The following R3HCC1L variants were observed in gnomAD, a reference collection of about 807,000 sequenced individuals.
R3HCC1L encodes the protein R3H domain and coiled-coil containing 1 like.
In R3HCC1L, 51 loss-of-function variants were observed where a neutral mutation model predicts 59.9. The observed-to-expected ratio is 0.85, with a 90% CI of 0.68 to 1.07. The LOEUF (loss-of-function observed/expected upper bound fraction) is 1.07, where lower values mean the gene tolerates loss of function less well. R3HCC1L is among the 50% of genes least tolerant of loss of function. The pLI is 0.00. For synonymous variants in R3HCC1L, 322 were observed against 315.2 expected (o/e 1.02, Z -0.23); for missense variants, 965 against 933.0 (o/e 1.03, Z -0.45).
intron 7 of R3HCC1L, 97 bp from the exon 8 acceptor site, chr10:98,235,328 A>G (rs1856808064): frequency 9.6e-7 from 1 of 1,037,676 alleles, no homozygotes; most frequent in African/African-American, 1.6e-5. Flanking sequence ...CTTTGAAAAA[A>G]AAGCATAACA....
chr10:98,185,539 T>G (rs1485179544), intron 4 of R3HCC1L, among the ~76,000 whole-genome samples: 1 of 151,648 alleles, frequency 6.6e-6, no homozygotes, highest in Non-Finnish European at 1.5e-5. Context: ...GGAAGTAGAG[T>G]AGGTAGAAGG....
chr10:98,184,116 C>A (rs1849974162), intron 4 of R3HCC1L, among the ~76,000 whole-genome samples: 1 of 151,702 alleles, frequency 6.6e-6, no homozygotes, highest in Non-Finnish European at 1.5e-5. Context: ...GCTAGGTTAC[C>A]TTTAATTTAC....
chr10:98,155,607 T>A (rs1035855338), intron 1 of R3HCC1L, among the ~76,000 whole-genome samples: 1 of 152,028 alleles, frequency 6.6e-6, no homozygotes, highest in Non-Finnish European at 1.5e-5. Flanking sequence ...AAACATGTTT[T>A]AAAAAGTCCA....
At position 98,169,925 on chromosome 10, in the gene R3HCC1L, G is replaced by C. The variant is rs1416951419; in HGVS notation, c.-15+6528G>C. On this transcript the variant is annotated intron_variant, in intron 4 of 9. Coordinates refer to ENST00000298999, the MANE Select transcript of R3HCC1L (RefSeq NM_001351015.2). The stretch of plus-strand genomic sequence containing the variant: ...TTTTGGAGTGAGTGCTTTTTTTTGG[G>C]AATTGTTTGAAGTTTTTTTCTTGTG... 4.1e-5 allele frequency among the ~76,000 whole-genome samples: 6 copies of C among 148,044 alleles called. No individual in the cohort carries two copies. The South Asian group carries it at 1.1e-3, about 26-fold the overall frequency.
intron 4 of R3HCC1L, among the ~76,000 whole-genome samples, chr10:98,167,603 C>T (rs1848086504): frequency 6.6e-6 from 1 of 152,224 alleles, no homozygotes; most frequent in Non-Finnish European, 1.5e-5. Flanking sequence ...TGTAGCCAGA[C>T]TAGCATTCTG....
chr10:98,223,795 C>T (rs564485850), intron 5 of R3HCC1L, among the ~76,000 whole-genome samples: 5 of 152,116 alleles, frequency 3.3e-5, no homozygotes, highest in South Asian at 4.2e-4. Context: ...CTTCAGGCAG[C>T]GTTCTGTGCA....
chr10:98,166,255 C>T (rs932584989), intron 4 of R3HCC1L, among the ~76,000 whole-genome samples: 4 of 152,242 alleles, frequency 2.6e-5, no homozygotes, highest in Middle Eastern at 3.4e-3. Context: ...GGAAATCAAC[C>T]TACTGCAACC....
intron 8 of R3HCC1L, 71 bp from the exon 9 acceptor site, chr10:98,235,953 G>A (rs1339111359): frequency 2.7e-6 from 4 of 1,486,684 alleles, no homozygotes; most frequent in Non-Finnish European, 3.7e-6. Flanking sequence ...TAATTACTGA[G>A]TTAAATCACT....
intron 1 of R3HCC1L, among the ~76,000 whole-genome samples, chr10:98,152,099 C>T (rs561270521): frequency 2.4e-4 from 37 of 152,322 alleles, no homozygotes; most frequent in South Asian, 1.2e-3. Context: ...ATTGCAGGCG[C>T]GCGCCGCCAC....
chr10:98,198,582 A>C (rs1030372349), intron 4 of R3HCC1L, among the ~76,000 whole-genome samples: 2 of 152,038 alleles, frequency 1.3e-5, no homozygotes, highest in African/African-American at 4.8e-5. Context: ...ATGCTTCTAA[A>C]TTTGTTGGAG....
intron 4 of R3HCC1L, among the ~76,000 whole-genome samples, chr10:98,182,423 G>T (rs565966816): frequency 7.9e-4 from 120 of 152,240 alleles, no homozygotes; most frequent in South Asian, 4.4e-3. Flanking sequence ...TCTCAGAGGG[G>T]CACCTGGCTA....
chr10:98,206,253 C>CG (rs11400872), intron 4 of R3HCC1L, among the ~76,000 whole-genome samples: 144,573 of 151,118 alleles, frequency 0.96, 69,454 homozygotes, highest in South Asian at 1. Context: ...ACCTTGTGAA[C>CG]AAATAAAAGC....
Position 98,209,790 on chromosome 10 carries a change from C to A in R3HCC1L, c.1676C>A (p.Pro559Gln). Residue 559 changes from proline to glutamine, a missense_variant, in exon 5 of 10, where the codon CCA becomes CAA. Coordinates refer to ENST00000298999, the MANE Select transcript of R3HCC1L (RefSeq NM_001351015.2). ...TCATCTATGGAAACATCCATCGAAC[C>A]AAAAGCAACTGAAACTTCTCACACA... is the stretch of plus-strand genomic sequence containing the variant. ...ESSSMETSIE[P>Q]KATETSHTEG... The A allele has an allele frequency of 6.2e-7, 1 of 1,613,770 alleles. No individual in the cohort carries two copies. Among genetic ancestry groups the A allele is most frequent in the South Asian group, 1.1e-5 (1 of 91,012 alleles).
At chr10:98,215,326 A>C (rs967514229) in intron 5 of R3HCC1L, among the ~76,000 whole-genome samples, 3 of 152,188 alleles carry the variant, frequency 2.0e-5, no homozygotes, top group African/African-American at 7.2e-5. Context: ...ACTAAGATAG[A>C]AAAAACTTTG....
intron 5 of R3HCC1L, among the ~76,000 whole-genome samples, chr10:98,224,225 C>G (rs944708910): frequency 2.0e-5 from 3 of 151,296 alleles, no homozygotes; most frequent in Admixed American, 6.6e-5. Context: ...TGTGTGGGTG[C>G]CAGTGGCAGC....
At chr10:98,195,374 A>G (rs534371801) in intron 4 of R3HCC1L, among the ~76,000 whole-genome samples, 2 of 152,254 alleles carry the variant, frequency 1.3e-5, no homozygotes, top group South Asian at 2.1e-4. Context: ...GTGATCTGTC[A>G]TACAACAATA....
At chr10:98,165,855 G>A (rs1301662813) in intron 4 of R3HCC1L, among the ~76,000 whole-genome samples, 1 of 152,208 alleles carries the variant, frequency 6.6e-6, no homozygotes, top group Admixed American at 6.5e-5. Context: ...GAGCCCTCAT[G>A]AATGACATGG....
chr10:98,234,419 A>C (rs1315182877), intron 6 of R3HCC1L, 27 bp from the exon 7 acceptor site: 2 of 1,594,496 alleles, frequency 1.3e-6, no homozygotes, highest in African/African-American at 2.7e-5. Flanking sequence ...TTATTTTAGG[A>C]AATAAAATTG....
At chr10:98,182,565 C>T (rs527556216) in intron 4 of R3HCC1L, among the ~76,000 whole-genome samples, 21 of 152,322 alleles carry the variant, frequency 1.4e-4, no homozygotes, top group Admixed American at 9.8e-4. Flanking sequence ...CCACTGCTGT[C>T]TTCAGAGCTG....
Sources: gnomAD v4.1 joint callset for allele counts (sites outside exome capture counted in the v4.1 genomes callset) on GRCh38, gnomAD v4.1.1 for gene constraint, MANE v1.5 for transcripts, NCBI Gene and HGNC (gene_info 2026-07-23, HGNC 2026-07-21) for gene names.